The following EVC variants were observed in gnomAD, a reference collection of about 807,000 sequenced individuals.
EVC encodes the protein EvC ciliary complex subunit 1.
In EVC, 116 loss-of-function variants were observed where a neutral mutation model predicts 118.9. That is an observed-to-expected ratio of 0.98 (90% CI 0.84 to 1.14). The LOEUF (loss-of-function observed/expected upper bound fraction) is 1.14, where lower values mean the gene tolerates loss of function less well. EVC is among the 50% of genes most tolerant of loss of function. The pLI is 0.00. For synonymous variants in EVC, 619 were observed against 534.7 expected (o/e 1.16, Z -2.18); for missense variants, 1,401 against 1,246.4 (o/e 1.12, Z -1.87).
At chr4:5,828,251 G>A in the EVC span, 31 of 985,258 alleles carry the variant, frequency 3.1e-5, no homozygotes, top group East Asian at 1.1e-4. Context: ...CCACCCTCAC[G>A]GGTGCACACC....
intron 11 of EVC, among the ~76,000 whole-genome samples, chr4:5,765,525 T>A (rs1385688373): frequency 1.3e-4 from 16 of 120,406 alleles, no homozygotes; most frequent in Non-Finnish European, 3.6e-5. Context: ...CCATTATTAA[T>A]GTGTGGGAGT....
At position 5,789,687 on chromosome 4, in the gene EVC, C is replaced by T. The variant is rs1202301384; in HGVS notation, c.1777-3921C>T. Among the ~76,000 whole-genome samples, 1 of 152,192 alleles carries T rather than the reference C, an allele frequency of 6.6e-6. No homozygotes were observed. The highest frequency in any genetic ancestry group is 1.5e-5 in the Non-Finnish European group (1 of 68,038). ...ACCAGCACTCTAGCCCGAGGAAGCACCTCTTCTGAATGTAAGCATTTACAA... is the reference window on the plus strand; with the variant it reads ...ACCAGCACTCTAGCCCGAGGAAGCATCTCTTCTGAATGTAAGCATTTACAA... On this transcript the variant is annotated intron_variant, in intron 12 of 20. Transcript: ENST00000264956. This position sits in a 1 kb window ranked among gnomAD's most constrained non-coding sequence, Gnocchi z 4.3.
chr4:5,724,805 A>C (rs111799235), intron 2 of EVC, among the ~76,000 whole-genome samples: 13,367 of 151,828 alleles, frequency 0.088, 663 homozygotes, highest in Middle Eastern at 0.14. Flanking sequence ...AACGTGTGCC[A>C]TGGTGGTTTG....
chr4:5,721,268 T>C (rs1193617154), intron 2 of EVC, among the ~76,000 whole-genome samples: 4 of 151,958 alleles, frequency 2.6e-5, no homozygotes, highest in Admixed American at 2.0e-4. Flanking sequence ...ACAACCCAAA[T>C]AGAAAAACTG....
At position 5,765,306 on chromosome 4, in the gene EVC, G is replaced by T. The variant is rs1168979736; in HGVS notation, c.1563+8944G>T. On this transcript the variant is annotated intron_variant, in intron 11 of 20. Coordinates refer to ENST00000264956, the MANE Select transcript of EVC (RefSeq NM_153717.3). Reference sequence around the variant, plus strand: ...ATTCTATTCTTTTACATTTGCTGAGGAGAGCATTACTTCCAAGTATGTGGT... The same window carrying T: ...ATTCTATTCTTTTACATTTGCTGAGTAGAGCATTACTTCCAAGTATGTGGT... Among the ~76,000 whole-genome samples the T allele has an allele frequency of 4.3e-5, 5 of 116,322 alleles. 2 individuals carry two copies. The highest frequency in any genetic ancestry group is 1.7e-4 in the African/African-American group (5 of 29,708). 76.3% of individuals were successfully genotyped at this position (116,322 alleles called of 152,430 possible).
At chr4:5,767,959 C>T (rs1011322568) in intron 11 of EVC, among the ~76,000 whole-genome samples, 3 of 152,214 alleles carry the variant, frequency 2.0e-5, no homozygotes, top group Non-Finnish European at 4.4e-5. Context: ...ACTTTTCTTC[C>T]TCAGTCTGCT....
rs1259336133 is a variant in EVC, at chr4:5,756,399, A to G, written c.1563+37A>G. ...CTGTGGGGACCAGCAGAGAAGCCCC[A>G]GGGTCTGTGTGTGTGCGAGAACCTC... On this transcript the variant is annotated intron_variant, in intron 11 of 20. Transcript: ENST00000264956. The surrounding 1 kb of genome is among the most constrained non-coding windows in gnomAD (Gnocchi z 4.2). 2.6e-6 allele frequency: 4 copies of G among 1,550,522 alleles called. No homozygotes were observed. The highest frequency in any genetic ancestry group is 3.5e-6 in the Non-Finnish European group (4 of 1,134,702).
At chr4:5,794,946 C>T (rs1291798995) in intron 13 of EVC, among the ~76,000 whole-genome samples, 1 of 152,062 alleles carries the variant, frequency 6.6e-6, no homozygotes, top group Non-Finnish European at 1.5e-5. Flanking sequence ...CTATAGGTGC[C>T]CAATGTTTAG....
intron 8 of EVC, chr4:5,752,614 CG>C: frequency 3.2e-6 from 2 of 617,454 alleles, no homozygotes; most frequent in Non-Finnish European, 5.8e-6. Flanking sequence ...TGCTAAGCTG[CG>C]TCAGCCTCCC....
rs1316292385 is a variant in EVC, at chr4:5,813,371, C to A, written c.*2334C>A. 2.0e-5 allele frequency: 3 copies of A among 152,074 alleles called. No individual in the cohort carries two copies. The highest frequency in any genetic ancestry group is 7.2e-5 in the African/African-American group (3 of 41,412). 9.4% of individuals were successfully genotyped at this position (152,074 alleles called of 1,614,324 possible). On this transcript the variant is annotated 3_prime_UTR_variant, in exon 21 of 21. Coordinates refer to ENST00000264956, the MANE Select transcript of EVC (RefSeq NM_153717.3). Reference sequence around the variant, plus strand: ...CGTGTGCCACCACGCCTGGCTAAATCTTTTTTGTATTTTATTTTAGTAGAG... The same window carrying A: ...CGTGTGCCACCACGCCTGGCTAAATATTTTTTGTATTTTATTTTAGTAGAG...
chr4:5,733,835 C>T (rs529434243), intron 5 of EVC, among the ~76,000 whole-genome samples: 1 of 152,314 alleles, frequency 6.6e-6, no homozygotes, highest in African/African-American at 2.4e-5. Flanking sequence ...GAGTATTACA[C>T]TTAAACCTCA....
In EVC at chr4:5,772,164, G is replaced by A. The variant is rs143033778; in HGVS notation, c.1564-11388G>A. Among the ~76,000 whole-genome samples, 788 of 152,270 alleles carry A rather than the reference G, an allele frequency of 5.2e-3. 7 individuals are homozygous for A. The highest frequency in any genetic ancestry group is 5.8e-3 in the Non-Finnish European group (395 of 68,028). On this transcript the variant is annotated intron_variant, in intron 11 of 20. Transcript: ENST00000264956. ...GCCCGCCTCGGCATCCCACAGTGCT[G>A]GGATTACAGGCGTGAGCCACCGTGC...
intron 11 of EVC, among the ~76,000 whole-genome samples, chr4:5,782,389 A>ATT (rs71171482): frequency 0.022 from 1,727 of 78,586 alleles, 55 homozygotes; most frequent in Non-Finnish European, 0.029. Flanking sequence ...GTAAGGTTCC[A>ATT]TTTTTTTTTT....
At chr4:5,795,400 C>G (rs1459401050) in intron 13 of EVC, among the ~76,000 whole-genome samples, 2 of 152,106 alleles carry the variant, frequency 1.3e-5, no homozygotes, top group Admixed American at 6.5e-5. Context: ...ATCTGTAATC[C>G]CAGCACTTTG....
intron 18 of EVC, among the ~76,000 whole-genome samples, chr4:5,809,180 G>T: frequency 6.6e-6 from 1 of 152,204 alleles, no homozygotes; most frequent in East Asian, 1.9e-4. Flanking sequence ...GAAGTTTAGA[G>T]CCCAGCCTGT....
At chr4:5,726,646 G>C (rs11935779) in intron 2 of EVC, among the ~76,000 whole-genome samples, 77,085 of 138,514 alleles carry the variant, frequency 0.56, 22,118 homozygotes, top group Non-Finnish European at 0.63. Context: ...ATGTATACAT[G>C]TGCCATGCTG....
chr4:5,768,012 C>G (rs1265749586), intron 11 of EVC, among the ~76,000 whole-genome samples: 1 of 151,816 alleles, frequency 6.6e-6, no homozygotes, highest in East Asian at 1.9e-4. Context: ...TTCATTCGTT[C>G]ATTCATTCAT....
Position 5,754,983 on chromosome 4 carries a change from G to A in EVC, c.1464+1050G>A, listed in dbSNP as rs1195082688. Among the ~76,000 whole-genome samples, 1 of 151,998 alleles carries A rather than the reference G, an allele frequency of 6.6e-6. No homozygotes were observed. The highest frequency in any genetic ancestry group is 1.5e-5 in the Non-Finnish European group (1 of 67,978). ...GGGGCTCTCCCTGGGGGCCAAGCTG[G>A]TGGTGGTGGCACCACTGCAGTGAGA... On this transcript the variant is annotated intron_variant, in intron 10 of 20. Transcript: ENST00000264956. The surrounding 1 kb of genome is among the most constrained non-coding windows in gnomAD (Gnocchi z 5.8).
At chr4:5,717,990 A>G (rs182568262) in intron 1 of EVC, among the ~76,000 whole-genome samples, 119 of 152,364 alleles carry the variant, frequency 7.8e-4, no homozygotes, top group African/African-American at 2.2e-3. Context: ...CACAAAGCAG[A>G]TGCTCGATAA....
Sources: gnomAD v4.1 joint callset for allele counts (sites outside exome capture counted in the v4.1 genomes callset) on GRCh38, gnomAD v4.1.1 for gene constraint, Gnocchi (gnomAD v3.1) non-coding constraint, MANE v1.5 for transcripts, NCBI Gene and HGNC (gene_info 2026-07-23, HGNC 2026-07-21) for gene names.